ZC3H6: variants seen among roughly 807,000 people sequenced by gnomAD.
ZC3H6 encodes zinc finger CCCH domain-containing protein 6.
ZC3H6 carries 40 observed loss-of-function variants against 107.7 expected under a neutral mutation model. That is an observed-to-expected ratio of 0.37 (90% CI 0.29 to 0.48). ZC3H6 has a LOEUF of 0.48. Ranked by LOEUF, ZC3H6 falls within the 20% of genes least tolerant of loss-of-function variation. The probability of loss-of-function intolerance (pLI) is 0.98; values close to 1 mark genes in which losing one functional copy is unlikely to be tolerated. For missense variants in ZC3H6, 1,267 were observed against 1,410.4 expected, an observed-to-expected ratio of 0.90 and a Z score of 1.63; for synonymous variants, 493 against 487.9, an observed-to-expected ratio of 1.01 and a Z score of -0.14.
intron 5 of ZC3H6, among the ~76,000 whole-genome samples, chr2:112,313,303 C>T (rs189527488): frequency 1.3e-5 from 2 of 152,256 alleles, no homozygotes; most frequent in East Asian, 3.9e-4. Flanking sequence ...TGACTAAAAA[C>T]CTGCCTGTCA....
At chr2:112,276,864 T>G (rs1490310691) in intron 1 of ZC3H6, among the ~76,000 whole-genome samples, 1 of 152,216 alleles carries the variant, frequency 6.6e-6, no homozygotes, top group Non-Finnish European at 1.5e-5. Flanking sequence ...TTTCATTCAT[T>G]AAACTTACTG....
At chr2:112,278,187 G>A (rs527259371) in intron 1 of ZC3H6, among the ~76,000 whole-genome samples, 168 of 152,254 alleles carry the variant, frequency 1.1e-3, no homozygotes, top group Non-Finnish European at 2.3e-3. Context: ...CTAATCTGCG[G>A]GCTTCCAAAA....
At chr2:112,294,795 A>G (rs749671181) in intron 1 of ZC3H6, among the ~76,000 whole-genome samples, 2 of 152,210 alleles carry the variant, frequency 1.3e-5, no homozygotes, top group Non-Finnish European at 2.9e-5. Flanking sequence ...TAGAATAAGA[A>G]CATCATGGGT....
chr2:112,278,014 T>G (rs1201452111), intron 1 of ZC3H6, among the ~76,000 whole-genome samples: 1 of 152,134 alleles, frequency 6.6e-6, no homozygotes, highest in African/African-American at 2.4e-5. Flanking sequence ...TGTGCCAAAT[T>G]GAGAACCGCT....
At chr2:112,308,740 A>G (rs983624397) in intron 3 of ZC3H6, among the ~76,000 whole-genome samples, 7 of 149,298 alleles carry the variant, frequency 4.7e-5, no homozygotes, top group Admixed American at 2.0e-4. Context: ...CCAGAGTAGT[A>G]TTTTAATATC....
chr2:112,331,780 C>T lies in ZC3H6; in HGVS notation c.2862C>T (p.His954=), dbSNP rs373154687. Residue 954 remains histidine, a synonymous_variant, in exon 12 of 12, where the codon CAC becomes CAT. Coordinates refer to ENST00000409871, the MANE Select transcript of ZC3H6 (RefSeq NM_198581.3). ...ACCTAGAACAATTTGGAGACTCACACGGTTCAGGAGCTAAATTAGGAGATC... is the reference window on the plus strand; with the variant it reads ...ACCTAGAACAATTTGGAGACTCACATGGTTCAGGAGCTAAATTAGGAGATC... ...EGYLEQFGDS[H]GSGAKLGDPR... The T allele has an allele frequency of 9.6e-4, 1,546 of 1,613,662 alleles. 6 individuals are homozygous for T. Among genetic ancestry groups the T allele is most frequent in the South Asian group, 4.4e-3 (401 of 91,068 alleles).
Position 112,332,181 on chromosome 2 carries a change from C to T in ZC3H6, c.3263C>T (p.Pro1088Leu), listed in dbSNP as rs1226962120. The change falls in exon 12 of 12, where the codon CCT becomes CTT. Residue 1088 changes from proline (P) to leucine (L), a missense_variant. By Grantham distance (98) the Pro-to-Leu change is moderately conservative. Coordinates refer to ENST00000409871, the MANE Select transcript of ZC3H6 (RefSeq NM_198581.3). ...GGLKSSDKTE[P>L]SPGEAILPQK... is the part of the protein sequence containing the mutation. ...TTAAAAAGTAGTGACAAAACTGAACCTTCTCCTGGAGAAGCCATCCTTCCA... is the reference window on the plus strand; with the variant it reads ...TTAAAAAGTAGTGACAAAACTGAACTTTCTCCTGGAGAAGCCATCCTTCCA... 2 of 1,613,836 alleles carry T rather than the reference C, an allele frequency of 1.2e-6. No homozygotes were observed. Among genetic ancestry groups the T allele is most frequent in the Non-Finnish European group, 8.5e-7 (1 of 1,179,882 alleles).
intron 3 of ZC3H6, 118 bp from the exon 4 acceptor site, chr2:112,309,767 T>C: frequency 1.0e-6 from 1 of 982,868 alleles, no homozygotes; most frequent in Non-Finnish European, 1.5e-6. Context: ...GAGTCAGAAC[T>C]AATAACTGTC....
chr2:112,289,306 CT>C (rs1170893953), intron 1 of ZC3H6, among the ~76,000 whole-genome samples: 19 of 140,272 alleles, frequency 1.4e-4, no homozygotes, highest in South Asian at 9.3e-4. Flanking sequence ...GCCCTGAACA[CT>C]TTTTTTTTCT....
At chr2:112,317,844 T>A (rs1198406254) in intron 7 of ZC3H6, among the ~76,000 whole-genome samples, 1 of 152,200 alleles carries the variant, frequency 6.6e-6, no homozygotes, top group Non-Finnish European at 1.5e-5. Context: ...TTTAAAAAAA[T>A]GTATTCTGCA....
rs575158986 is a variant in ZC3H6 at position 112,332,528 on chromosome 2, A to C, written c.*40A>C. The stretch of plus-strand genomic sequence containing the variant: ...AGCAATTCTTTTCACTCTTGTGACT[A>C]TCTCAGTCCTCTGCTGTTTTGTAAC... On this transcript the variant is annotated 3_prime_UTR_variant, in exon 12 of 12. Transcript: ENST00000409871. 6.5e-7 allele frequency: 1 copy of C among 1,547,048 alleles called. No individual in the cohort carries two copies. The highest frequency in any genetic ancestry group is 1.3e-5 in the South Asian group (1 of 79,540).
At chr2:112,320,184 C>T (rs10167748) in intron 7 of ZC3H6, among the ~76,000 whole-genome samples, 77,570 of 152,090 alleles carry the variant, frequency 0.51, 21,979 homozygotes, top group East Asian at 0.76. Context: ...CCGCCTGCCT[C>T]GGCCTCCCAA....
At chr2:112,312,623 G>A (rs1676614328) in intron 5 of ZC3H6, among the ~76,000 whole-genome samples, 1 of 152,140 alleles carries the variant, frequency 6.6e-6, no homozygotes, top group Admixed American at 6.6e-5. Context: ...AGCACTTTGG[G>A]AGGCCAAGTC....
At position 112,335,248 on chromosome 2, in the gene ZC3H6, C is replaced by T. The variant is rs977673789; in HGVS notation, c.*2760C>T. 1.3e-5 allele frequency: 2 copies of T among 152,130 alleles called. No homozygotes were observed. Among genetic ancestry groups the T allele is most frequent in the African/African-American group, 2.4e-5 (1 of 41,404 alleles). The allele number at this position is 152,130 out of a possible 1,614,324, so 9.4% of individuals were successfully genotyped here. On this transcript the variant is annotated 3_prime_UTR_variant, in exon 12 of 12. Coordinates refer to ENST00000409871, the MANE Select transcript of ZC3H6 (RefSeq NM_198581.3). ...CTATTTCCCAGCTGAATGTTTCAAA[C>T]CCCCAAATTAGGCTGCAACCGAAAG...
chr2:112,311,678 TCTAGAAGGAAAAAAAAGAATGCA>T, intron 4 of ZC3H6, 103 bp from the exon 5 acceptor site: 1 of 782,002 alleles, frequency 1.3e-6, no homozygotes. Flanking sequence ...TTTCATTGAA[TCTAGAAGGAAAAAAAAGAATGCA>T]CTGTATATTA....
At chr2:112,316,386 T>C (rs1049877349) in intron 5 of ZC3H6, 84 bp from the exon 6 acceptor site, 6 of 845,416 alleles carry the variant, frequency 7.1e-6, no homozygotes, top group Non-Finnish European at 1.1e-5. Flanking sequence ...CAATTTGTAC[T>C]TTTTTCCAGA....
chr2:112,305,841 ACTC>A (rs1209522000), intron 3 of ZC3H6, among the ~76,000 whole-genome samples: 1 of 152,050 alleles, frequency 6.6e-6, no homozygotes, highest in Non-Finnish European at 1.5e-5. Flanking sequence ...GGTGCAGAGA[ACTC>A]CTGTATATCT....
intron 5 of ZC3H6, among the ~76,000 whole-genome samples, chr2:112,316,025 A>G: frequency 6.6e-6 from 1 of 152,186 alleles, no homozygotes; most frequent in East Asian, 1.9e-4. Context: ...TTGTTTTACT[A>G]TGTCAGTATT....
At chr2:112,276,173 T>C in intron 1 of ZC3H6, 147 bp downstream of exon 1, 1 of 536,036 alleles carries the variant, frequency 1.9e-6, no homozygotes, top group East Asian at 4.0e-5. Flanking sequence ...TTATGTAAAC[T>C]GCTGGATCGC....
Sources: allele counts gnomAD v4.1 joint callset (sites outside exome capture counted in the v4.1 genomes callset), GRCh38; gene constraint gnomAD v4.1.1; transcripts MANE v1.5; gene names NCBI Gene and HGNC (gene_info 2026-07-23, HGNC 2026-07-21).